The following SPAST variants were observed in gnomAD, a reference collection of about 807,000 sequenced individuals.
The protein encoded by SPAST is spastin.
In SPAST, 30 loss-of-function variants were observed where a neutral mutation model predicts 76.6. The ratio of observed to expected loss-of-function variants is 0.39; its 90% CI spans 0.29 to 0.53. The LOEUF (loss-of-function observed/expected upper bound fraction) is 0.53, where lower values mean the gene tolerates loss of function less well. Ranked by LOEUF, SPAST falls within the 20% of genes least tolerant of loss-of-function variation. The pLI, the probability that SPAST is intolerant of heterozygous loss-of-function variation, is 0.68. For missense variants in SPAST, 717 were observed against 770.5 expected, an observed-to-expected ratio of 0.93 and a Z score of 0.82; for synonymous variants, 305 against 281.0, an observed-to-expected ratio of 1.09 and a Z score of -0.86.
At chr2:32,127,584 G>A (rs1679237338) in intron 8 of SPAST, 1 of 152,254 alleles carries the variant, frequency 6.6e-6, no homozygotes, top group Non-Finnish European at 1.5e-5. Flanking sequence ...ACTATATTGA[G>A]TATCTTTCTA....
chr2:32,140,486 TGG>T (rs1679680048), intron 12 of SPAST, among the ~76,000 whole-genome samples: 1 of 151,982 alleles, frequency 6.6e-6, no homozygotes, highest in Admixed American at 6.6e-5. Flanking sequence ...TAGCTGGGTG[TGG>T]TCACACACAC....
At chr2:32,130,268 C>T (rs1165740116) in intron 9 of SPAST, 2 of 152,184 alleles carry the variant, frequency 1.3e-5, no homozygotes, top group African/African-American at 4.8e-5. Flanking sequence ...GCATTCCAAC[C>T]TGGGCGTCAG....
chr2:32,088,727 T>C (rs551699573), intron 2 of SPAST, among the ~76,000 whole-genome samples: 2 of 152,274 alleles, frequency 1.3e-5, no homozygotes, highest in East Asian at 3.9e-4. Context: ...ACAATTTAAT[T>C]AAAGTATGAT....
At chr2:32,091,274 ATTATTATTATTATTATTATTATTC>A (rs985672554) in intron 3 of SPAST, among the ~76,000 whole-genome samples, 3 of 144,002 alleles carry the variant, frequency 2.1e-5, no homozygotes, top group Non-Finnish European at 4.5e-5. Flanking sequence ...TATTATTATT[ATTATTATTATTATTATTATTATTC>A]GAGATGGAGT....
chr2:32,112,411 G>GCCC (rs1313321673), intron 4 of SPAST, among the ~76,000 whole-genome samples: 4 of 142,294 alleles, frequency 2.8e-5, no homozygotes, highest in Admixed American at 7.2e-5. Context: ...GCAATGGAGT[G>GCCC]ATCTTGGCTC....
intron 4 of SPAST, among the ~76,000 whole-genome samples, chr2:32,106,340 A>AT (rs1386528204): frequency 6.6e-6 from 1 of 152,002 alleles, no homozygotes; most frequent in Non-Finnish European, 1.5e-5. Context: ...GAGTCTCCCT[A>AT]TTTTCCAGGT....
chr2:32,144,455 TTAC>T (rs765205050), intron 14 of SPAST, among the ~76,000 whole-genome samples: 1 of 152,214 alleles, frequency 6.6e-6, no homozygotes, highest in Non-Finnish European at 1.5e-5. Context: ...ATTTGAGGCA[TTAC>T]TACATTTGTT....
chr2:32,080,972 T>C (rs972870997), intron 1 of SPAST, among the ~76,000 whole-genome samples: 4 of 151,662 alleles, frequency 2.6e-5, no homozygotes, highest in African/African-American at 7.3e-5. Flanking sequence ...TTTTTTTTTT[T>C]TTCAAGACAG....
intron 7 of SPAST, among the ~76,000 whole-genome samples, chr2:32,118,922 CAT>C (rs1426547372): frequency 1.3e-5 from 2 of 152,108 alleles, no homozygotes; most frequent in African/African-American, 2.4e-5. Context: ...TAATAAGTAA[CAT>C]GTGAATTTGA....
chr2:32,127,133 T>C, intron 8 of SPAST, 111 bp downstream of exon 8: 1 of 782,996 alleles, frequency 1.3e-6, no homozygotes, highest in East Asian at 2.6e-5. Context: ...CTTTTTGCTA[T>C]TGTACACTTT....
chr2:32,114,135 T>G (rs1678731136), intron 4 of SPAST, among the ~76,000 whole-genome samples: 1 of 152,142 alleles, frequency 6.6e-6, no homozygotes, highest in African/African-American at 2.4e-5. Context: ...ACAGGCACAA[T>G]GGCTCACTCT....
intron 4 of SPAST, among the ~76,000 whole-genome samples, chr2:32,113,010 A>C (rs1335910141): frequency 6.6e-6 from 1 of 152,220 alleles, no homozygotes; most frequent in African/African-American, 2.4e-5. Flanking sequence ...CTGGACAAAT[A>C]ACCTTTTCAA....
At chr2:32,084,276 T>A (rs1677381312) in intron 1 of SPAST, among the ~76,000 whole-genome samples, 1 of 151,764 alleles carries the variant, frequency 6.6e-6, no homozygotes, top group Admixed American at 6.6e-5. Context: ...TTCTCCTGCC[T>A]CAGCCTCCGG....
chr2:32,143,091 C>G (rs538115591), intron 13 of SPAST, among the ~76,000 whole-genome samples: 1 of 151,782 alleles, frequency 6.6e-6, no homozygotes, highest in East Asian at 1.9e-4. Context: ...ATAGGGAGAC[C>G]CTGTCTCTAC....
chr2:32,142,797 G>T (rs745605698), intron 13 of SPAST, among the ~76,000 whole-genome samples: 2 of 152,154 alleles, frequency 1.3e-5, no homozygotes, highest in Non-Finnish European at 2.9e-5. Flanking sequence ...GAACTAAAAA[G>T]TGTTCTAAAA....
At chr2:32,096,308 A>G (rs1677912279) in intron 3 of SPAST, among the ~76,000 whole-genome samples, 1 of 152,080 alleles carries the variant, frequency 6.6e-6, no homozygotes, top group African/African-American at 2.4e-5. Flanking sequence ...GGGGGCACCC[A>G]CCTGTAATCC....
chr2:32,140,403 A>T, intron 12 of SPAST, among the ~76,000 whole-genome samples: 1 of 152,162 alleles, frequency 6.6e-6, no homozygotes, highest in East Asian at 1.9e-4. Flanking sequence ...AGGACAGACC[A>T]CTTGAGGCCA....
chr2:32,116,038 T>C lies in SPAST; in HGVS notation c.1005-81T>C, dbSNP rs147672253. 24 of 1,079,736 alleles carry C rather than the reference T, an allele frequency of 2.2e-5. No homozygotes were observed. The East Asian group carries it at 5.6e-4, about 25-fold the overall frequency. 66.9% of individuals were successfully genotyped at this position (1,079,736 alleles called of 1,614,324 possible). On this transcript the variant is annotated intron_variant, in intron 6 of 16. Coordinates refer to ENST00000315285, the MANE Select transcript of SPAST (RefSeq NM_014946.4). ...TAACAGTTAACATTAAAAATAACTATATGTCATAGGGCTTAGGCTTCATCT... is the reference window on the plus strand; with the variant it reads ...TAACAGTTAACATTAAAAATAACTACATGTCATAGGGCTTAGGCTTCATCT...
chr2:32,091,299 G>A (rs1217516969), intron 3 of SPAST, among the ~76,000 whole-genome samples: 8 of 132,262 alleles, frequency 6.0e-5, no homozygotes, highest in East Asian at 2.2e-4. Context: ...ATTATTATTC[G>A]AGATGGAGTC....
Sources: gnomAD v4.1 joint callset for allele counts (sites outside exome capture counted in the v4.1 genomes callset) on GRCh38, gnomAD v4.1.1 for gene constraint, MANE v1.5 for transcripts, NCBI Gene and HGNC (gene_info 2026-07-23, HGNC 2026-07-21) for gene names.